SPOCK3: variants seen among roughly 807,000 people sequenced by gnomAD.
The protein encoded by SPOCK3 is SPARC (osteonectin), cwcv and kazal like domains proteoglycan 3, also known as testican-3.
In SPOCK3, 30 loss-of-function variants were observed where a neutral mutation model predicts 56.6. That is an observed-to-expected ratio of 0.53 (90% CI 0.40 to 0.72). SPOCK3 has a LOEUF of 0.72. Ranked by LOEUF, SPOCK3 falls within the 30% of genes least tolerant of loss-of-function variation. The pLI, the probability that SPOCK3 is intolerant of heterozygous loss-of-function variation, is 0.00. For synonymous variants in SPOCK3, 196 were observed against 183.3 expected (o/e 1.07, Z -0.56); for missense variants, 527 against 530.0 (o/e 0.99, Z 0.06).
At chr4:166,774,557 C>A (rs1380433974) in intron 7 of SPOCK3, among the ~76,000 whole-genome samples, 1 of 152,200 alleles carries the variant, frequency 6.6e-6, no homozygotes, top group Non-Finnish European at 1.5e-5. Flanking sequence ...TCACCTGTGG[C>A]ATTCAAATCT....
At chr4:167,075,171 T>C (rs1395823658) in intron 2 of SPOCK3, among the ~76,000 whole-genome samples, 1 of 150,216 alleles carries the variant, frequency 6.7e-6, no homozygotes, top group Non-Finnish European at 1.5e-5. Flanking sequence ...ACCAGTTTTA[T>C]TTTTTTTTTC....
Position 166,844,792 on chromosome 4 carries a change from C to T in SPOCK3, c.589+44338G>A, listed in dbSNP as rs114800499. 7.7e-3 allele frequency among the ~76,000 whole-genome samples: 1,170 copies of T among 152,274 alleles called. 8 individuals carry two copies. The highest frequency in any genetic ancestry group is 0.024 in the Middle Eastern group (7 of 294). On this transcript the variant is annotated intron_variant, in intron 6 of 10. Coordinates refer to ENST00000357545, the MANE Select transcript of SPOCK3 (RefSeq NM_001040159.2). ...TCTATCTATCTACCTGCCTACCTACCTAGATCCTATTTGTTGTCTCTCTGG... is the reference window on the plus strand; with the variant it reads ...TCTATCTATCTACCTGCCTACCTACTTAGATCCTATTTGTTGTCTCTCTGG...
chr4:167,191,465 C>A (rs1732465228), intron 2 of SPOCK3, among the ~76,000 whole-genome samples: 1 of 145,330 alleles, frequency 6.9e-6, no homozygotes, highest in African/African-American at 2.6e-5. Context: ...TTTTCAAATT[C>A]TTTCATCAAT....
At chr4:166,871,615 T>C (rs868318352) in intron 6 of SPOCK3, among the ~76,000 whole-genome samples, 13 of 70,324 alleles carry the variant, frequency 1.8e-4, no homozygotes, top group Non-Finnish European at 3.0e-4. Flanking sequence ...TGGTGAATTC[T>C]ATGGAACATT....
chr4:167,119,136 G>C (rs555580681), intron 2 of SPOCK3, among the ~76,000 whole-genome samples: 1 of 99,388 alleles, frequency 1.0e-5, no homozygotes, highest in African/African-American at 3.2e-5. Flanking sequence ...AGAAGGCGGG[G>C]TGGGGGAGGG....
chr4:166,864,921 T>C (rs895679294), intron 6 of SPOCK3, among the ~76,000 whole-genome samples: 8 of 152,144 alleles, frequency 5.3e-5, no homozygotes, highest in African/African-American at 1.9e-4. Flanking sequence ...GAGCCCTCCC[T>C]AACTTATTTT....
At chr4:166,742,802 G>A (rs146222993) in intron 8 of SPOCK3, among the ~76,000 whole-genome samples, 101 of 152,172 alleles carry the variant, frequency 6.6e-4, no homozygotes, top group South Asian at 2.9e-3. Flanking sequence ...GAGGACGTTC[G>A]TAGAGAAATG....
At chr4:167,083,564 C>T (rs1307083344) in intron 2 of SPOCK3, among the ~76,000 whole-genome samples, 3 of 152,104 alleles carry the variant, frequency 2.0e-5, no homozygotes, top group African/African-American at 7.2e-5. Context: ...ATTTCAGGTT[C>T]ATTTTATACT....
In SPOCK3 at chr4:166,803,809, G is replaced by A. The variant is rs577655033; in HGVS notation, c.590-11520C>T. On this transcript the variant is annotated intron_variant, in intron 6 of 10. Coordinates refer to ENST00000357545, the MANE Select transcript of SPOCK3 (RefSeq NM_001040159.2). The stretch of plus-strand genomic sequence containing the variant: ...TTATGCCTAGGGTTATTACTAATTT[G>A]TATTTCTGGAAAGAGCAGTGAGATG... Among the ~76,000 whole-genome samples, 3 of 152,090 alleles carry A rather than the reference G, an allele frequency of 2.0e-5. No individual in the cohort carries two copies. The East Asian group carries it at 5.8e-4, about 29-fold the overall frequency.
At chr4:167,116,909 G>GTATATATATATATATATATATATATA (rs1446671235) in intron 2 of SPOCK3, among the ~76,000 whole-genome samples, 3 of 123,510 alleles carry the variant, frequency 2.4e-5, no homozygotes, top group Non-Finnish European at 3.5e-5. Flanking sequence ...TTGTGTGTGT[G>GTATATATATATATATATATATATATA]TGTGTATATA....
chr4:167,233,943 A>C, intron 2 of SPOCK3, 42 bp downstream of exon 2: 4 of 1,550,656 alleles, frequency 2.6e-6, no homozygotes, highest in East Asian at 2.3e-5. Context: ...GCCTCGGAGC[A>C]GCGCGCGCGT....
intron 2 of SPOCK3, among the ~76,000 whole-genome samples, chr4:167,138,583 G>T (rs1177560711): frequency 6.6e-6 from 1 of 151,764 alleles, no homozygotes; most frequent in Non-Finnish European, 1.5e-5. Flanking sequence ...TGTTTAAACA[G>T]AAAATCTATC....
chr4:166,968,774 G>T (rs1269371690), intron 4 of SPOCK3, among the ~76,000 whole-genome samples: 2 of 152,158 alleles, frequency 1.3e-5, no homozygotes, highest in South Asian at 4.1e-4. Flanking sequence ...GCTCCCACTG[G>T]GACAGTGCCT....
intron 6 of SPOCK3, among the ~76,000 whole-genome samples, chr4:166,857,041 C>A (rs1338465567): frequency 6.6e-6 from 1 of 152,146 alleles, no homozygotes; most frequent in Non-Finnish European, 1.5e-5. Context: ...CATCTGAAGT[C>A]ACATCTAGGC....
chr4:166,834,366 C>A (rs1746395359), intron 6 of SPOCK3, among the ~76,000 whole-genome samples: 1 of 152,160 alleles, frequency 6.6e-6, no homozygotes, highest in African/African-American at 2.4e-5. Flanking sequence ...AGCCCTGTGG[C>A]CTATCTTCAT....
At chr4:166,870,013 T>G (rs1732289782) in intron 6 of SPOCK3, among the ~76,000 whole-genome samples, 1 of 152,072 alleles carries the variant, frequency 6.6e-6, no homozygotes, top group Admixed American at 6.6e-5. Flanking sequence ...TACGATGTCC[T>G]CATGGGGAGG....
intron 6 of SPOCK3, among the ~76,000 whole-genome samples, chr4:166,823,741 T>G (rs1050071755): frequency 2.0e-5 from 3 of 152,078 alleles, no homozygotes; most frequent in Non-Finnish European, 4.4e-5. Flanking sequence ...GAGATAGGTG[T>G]TATATAAATG....
intron 3 of SPOCK3, among the ~76,000 whole-genome samples, chr4:167,032,665 A>T (rs1347900337): frequency 1.3e-5 from 2 of 151,832 alleles, no homozygotes; most frequent in African/African-American, 2.4e-5. Flanking sequence ...GAGCTTTATA[A>T]AAAAAAGAAA....
At chr4:166,811,363 G>A (rs893433045) in intron 6 of SPOCK3, among the ~76,000 whole-genome samples, 1 of 150,186 alleles carries the variant, frequency 6.7e-6, no homozygotes, top group Non-Finnish European at 1.5e-5. Context: ...TTCTTTCTAA[G>A]CACTGTCTTA....
Sources: allele counts gnomAD v4.1 joint callset (sites outside exome capture counted in the v4.1 genomes callset), GRCh38; gene constraint gnomAD v4.1.1; transcripts MANE v1.5; gene names NCBI Gene and HGNC (gene_info 2026-07-23, HGNC 2026-07-21).